Variants in ORMDL1 observed in about 807,000 individuals in gnomAD.
The protein encoded by ORMDL1 is ORMDL sphingolipid biosynthesis regulator 1.
ORMDL1 carries 10 observed loss-of-function variants against 13.0 expected under a neutral mutation model. The ratio of observed to expected loss-of-function variants is 0.77; its 90% CI spans 0.47 to 1.30. ORMDL1 has a LOEUF of 1.30. Ranked by LOEUF, ORMDL1 falls within the 50% of genes most tolerant of loss-of-function variation. ORMDL1 has a pLI of 0.00. For missense variants in ORMDL1, 171 were observed against 186.7 expected (o/e 0.92, Z 0.49); for synonymous variants, 61 against 63.9 (o/e 0.95, Z 0.22).
At chr2:189,768,902 T>TA (rs2047525739), downstream of ORMDL1, among the ~76,000 whole-genome samples, 1 of 152,236 alleles carries the variant, frequency 6.6e-6, no homozygotes, top group Admixed American at 6.5e-5. Flanking sequence ...TTCCATGCTG[T>TA]TGACACCAAT....
chr2:189,766,739 AAAAC>A (rs2047489815), downstream of ORMDL1, among the ~76,000 whole-genome samples: 1 of 149,082 alleles, frequency 6.7e-6, no homozygotes, highest in Admixed American at 6.6e-5. Context: ...AAAAAAAAAC[AAAAC>A]AAAAACAAGA....
At chr2:189,775,033 T>C (rs1016943251) in intron 4 of ORMDL1, 1 of 152,206 alleles carries the variant, frequency 6.6e-6, no homozygotes, top group Non-Finnish European at 1.5e-5. Flanking sequence ...GAATTAGGTA[T>C]CACTAGCTAG....
chr2:189,771,513 C>T lies in ORMDL1; in HGVS notation c.*254G>A. On this transcript the variant is annotated 3_prime_UTR_variant, in exon 5 of 5. Coordinates refer to ENST00000392349, the MANE Select transcript of ORMDL1 (RefSeq NM_016467.5). The stretch of plus-strand genomic sequence containing the variant: ...TATCTACTACACCCTCACTGTGATG[C>T]CCTTTAACTTATAAGCTGGGCCTGC... The T allele has an allele frequency of 3.4e-6, 1 of 296,460 alleles. No homozygotes were observed. Among genetic ancestry groups the T allele is most frequent in the East Asian group, 6.1e-5 (1 of 16,280 alleles). The allele number at this position is 296,460 out of a possible 1,614,324, so 18.4% of individuals were successfully genotyped here.
At chr2:189,764,272 A>G in the ORMDL1 span, 1 of 152,284 alleles carries the variant, frequency 6.6e-6, no homozygotes, top group Admixed American at 6.5e-5. Context: ...CAGTTTGAAC[A>G]TAAAACCTTT....
intron 3 of ORMDL1, among the ~76,000 whole-genome samples, chr2:189,779,500 T>C (rs942689660): frequency 2.0e-5 from 3 of 152,184 alleles, no homozygotes; most frequent in Non-Finnish European, 4.4e-5. Flanking sequence ...GCAAGATGAT[T>C]TTCTTTATTG....
the ORMDL1 span, chr2:189,765,234 C>G: frequency 1.3e-5 from 2 of 152,160 alleles, no homozygotes; most frequent in South Asian, 4.1e-4. Flanking sequence ...ATGCTAGGAA[C>G]TTTATTAGTA....
chr2:189,779,803 CAGT>C (rs918429391), intron 3 of ORMDL1, among the ~76,000 whole-genome samples: 1 of 152,140 alleles, frequency 6.6e-6, no homozygotes, highest in African/African-American at 2.4e-5. Flanking sequence ...GAGAGTAAAG[CAGT>C]AGAAGACAGT....
chr2:189,784,039 C>T (rs1262336034), intron 1 of ORMDL1: 1 of 152,698 alleles, frequency 6.5e-6, no homozygotes, highest in Non-Finnish European at 1.5e-5. Context: ...GCGCCTCCCC[C>T]AACCCGCCCC....
chr2:189,784,118 C>G (rs750021361), intron 1 of ORMDL1, 151 bp downstream of exon 1: 1 of 152,334 alleles, frequency 6.6e-6, no homozygotes, highest in South Asian at 2.1e-4. Context: ...AGGGGGCGAG[C>G]CTCTGAGGCC....
chr2:189,775,298 A>T (rs2047667710), intron 4 of ORMDL1: 1 of 296,510 alleles, frequency 3.4e-6, no homozygotes, highest in Admixed American at 4.9e-5. Context: ...TAAGGACGGG[A>T]GCTGGAATAC....
chr2:189,777,550 T>C (rs2047726859), intron 3 of ORMDL1, among the ~76,000 whole-genome samples: 1 of 152,218 alleles, frequency 6.6e-6, no homozygotes. Context: ...CAGTGAAAAA[T>C]AATAAAATCT....
intron 4 of ORMDL1, chr2:189,774,123 C>T (rs1340913798): frequency 6.6e-6 from 1 of 152,136 alleles, no homozygotes; most frequent in East Asian, 1.9e-4. Context: ...ATCTGAATAA[C>T]CAATATTTTT....
At chr2:189,777,641 A>G (rs1370685743) in intron 3 of ORMDL1, among the ~76,000 whole-genome samples, 1 of 152,206 alleles carries the variant, frequency 6.6e-6, no homozygotes, top group African/African-American at 2.4e-5. Flanking sequence ...TTCCTCCATT[A>G]AAAGAATTAG....
At chr2:189,781,596 T>C (rs1464100982) in intron 3 of ORMDL1, among the ~76,000 whole-genome samples, 1 of 152,074 alleles carries the variant, frequency 6.6e-6, no homozygotes, top group Non-Finnish European at 1.5e-5. Flanking sequence ...CAGTGAAGTA[T>C]ACTTACACTA....
Position 189,770,989 on chromosome 2 carries a change from T to C in ORMDL1, c.*778A>G, listed in dbSNP as rs2047565693. 1 of 152,210 alleles carries C rather than the reference T, an allele frequency of 6.6e-6. No homozygotes were observed. The highest frequency in any genetic ancestry group is 1.5e-5 in the Non-Finnish European group (1 of 68,024). The allele number at this position is 152,210 out of a possible 1,614,324, so 9.4% of individuals were successfully genotyped here. ...GCAGACACCTTTAAATTACCATATA[T>C]TTTTTAGTTGCTTGAAAGAAATTAA... On this transcript the variant is annotated 3_prime_UTR_variant, in exon 5 of 5. Transcript: ENST00000392349.
chr2:189,779,009 C>T (rs2047762472), intron 3 of ORMDL1, among the ~76,000 whole-genome samples: 1 of 152,026 alleles, frequency 6.6e-6, no homozygotes, highest in Non-Finnish European at 1.5e-5. Context: ...CACAGCAAGA[C>T]CCCCATCTCA....
At chr2:189,780,101 C>G (rs761376397) in intron 3 of ORMDL1, among the ~76,000 whole-genome samples, 10 of 152,086 alleles carry the variant, frequency 6.6e-5, no homozygotes, top group Non-Finnish European at 1.2e-4. Flanking sequence ...GGACAGGGCC[C>G]AAGTCTAAAC....
At chr2:189,767,495 T>C (rs1160810909), downstream of ORMDL1, among the ~76,000 whole-genome samples, 2 of 152,216 alleles carry the variant, frequency 1.3e-5, no homozygotes, top group African/African-American at 4.8e-5. Context: ...CAAAATAAGA[T>C]TGTCAATAAA....
intron 4 of ORMDL1, among the ~76,000 whole-genome samples, chr2:189,772,310 G>C (rs1866643): frequency 0.98 from 149,492 of 152,314 alleles, 73,422 homozygotes; most frequent in South Asian, 1. Context: ...TTAAGAACCT[G>C]TACTGTAAAG....
Sources: allele counts gnomAD v4.1 joint callset (sites outside exome capture counted in the v4.1 genomes callset), GRCh38; gene constraint gnomAD v4.1.1; transcripts MANE v1.5; gene names NCBI Gene and HGNC (gene_info 2026-07-23, HGNC 2026-07-21).